PLCZ1: variants seen among roughly 807,000 people sequenced by gnomAD.
PLCZ1 encodes 1-phosphatidylinositol 4,5-bisphosphate phosphodiesterase zeta-1.
Under a neutral mutation model 76.8 loss-of-function variants are expected in PLCZ1, and 64 were observed. The observed-to-expected ratio is 0.83, with a 90% confidence interval of 0.68 to 1.03. PLCZ1 has a LOEUF of 1.03. Among genes scored for constraint, PLCZ1 ranks in the 50% least tolerant of loss-of-function variants. The pLI is 0.00. For synonymous variants in PLCZ1, 248 were observed against 230.8 expected (o/e 1.07, Z -0.68); for missense variants, 751 against 713.7 (o/e 1.05, Z -0.60).
At chr12:18,647,460 A>AG in the PLCZ1 span, among the ~76,000 whole-genome samples, 2 of 152,138 alleles carry the variant, frequency 1.3e-5, no homozygotes, top group Admixed American at 6.6e-5. Context: ...ATTGAAAAAA[A>AG]AAAAAAATAG....
At chr12:18,680,746 T>C (rs1388715334), downstream of PLCZ1, among the ~76,000 whole-genome samples, 7 of 151,976 alleles carry the variant, frequency 4.6e-5, no homozygotes, top group African/African-American at 1.7e-4. Context: ...TGGGAAGCCA[T>C]AGGGCATCTC....
the PLCZ1 span, among the ~76,000 whole-genome samples, chr12:18,645,909 G>A: frequency 6.6e-6 from 1 of 152,080 alleles, no homozygotes; most frequent in African/African-American, 2.4e-5. Context: ...CACACTTTGA[G>A]GGTTCCTTTC....
the PLCZ1 span, among the ~76,000 whole-genome samples, chr12:18,672,305 A>G: frequency 6.6e-6 from 1 of 152,254 alleles, no homozygotes; most frequent in African/African-American, 2.4e-5. Flanking sequence ...CTCAGTCGTC[A>G]TTGCTCATCT....
In PLCZ1 at chr12:18,699,789, T is replaced by A. The variant is rs201023072; in HGVS notation, c.1174+5A>T. On this transcript the variant is annotated splice_donor_5th_base_variant and intron_variant, in intron 10 of 14. Transcript: ENST00000266505. ...ATTTCATCTATTTGAGTCACAAAAATTTACCTCGCAATTTTGAAAGTTTTC... is the reference window on the plus strand; with the variant it reads ...ATTTCATCTATTTGAGTCACAAAAAATTACCTCGCAATTTTGAAAGTTTTC... The A allele has an allele frequency of 7.4e-6, 12 of 1,612,650 alleles. 1 individual carries two copies. The highest frequency in any genetic ancestry group is 1.7e-4 in the Middle Eastern group (1 of 6,034).
At chr12:18,696,810 C>T (rs73346909) in intron 10 of PLCZ1, among the ~76,000 whole-genome samples, 1,822 of 152,174 alleles carry the variant, frequency 0.012, 42 homozygotes, top group African/African-American at 0.041. Flanking sequence ...TTCACTCCAG[C>T]ATCTTCCCCC....
intron 12 of PLCZ1, among the ~76,000 whole-genome samples, chr12:18,691,494 T>G (rs1201886388): frequency 6.6e-6 from 1 of 152,012 alleles, no homozygotes. Flanking sequence ...AGGAAAGACT[T>G]TAGTTAACAT....
the PLCZ1 span, chr12:18,648,213 C>T: frequency 4.9e-5 from 17 of 350,262 alleles, no homozygotes; most frequent in Admixed American, 2.8e-4. Context: ...ATTGTTTTTT[C>T]ATAATCTTTT....
intron 12 of PLCZ1, among the ~76,000 whole-genome samples, chr12:18,690,218 T>A (rs2137109206): frequency 6.6e-6 from 1 of 151,118 alleles, no homozygotes; most frequent in African/African-American, 2.5e-5. Context: ...TTTTTGTTTG[T>A]TTGTTTGTTT....
intron 4 of PLCZ1, among the ~76,000 whole-genome samples, chr12:18,721,952 A>G (rs1012295494): frequency 2.0e-5 from 3 of 151,976 alleles, no homozygotes; most frequent in Non-Finnish European, 4.4e-5. Context: ...ATAAGAACCT[A>G]TATGGTTTGA....
intron 4 of PLCZ1, among the ~76,000 whole-genome samples, chr12:18,720,018 A>ACC (rs1213062382): frequency 6.6e-6 from 1 of 152,104 alleles, no homozygotes; most frequent in African/African-American, 2.4e-5. Context: ...CCAGTCACTC[A>ACC]CCACACCCAA....
chr12:18,715,366 T>TTAAATTCTTAA (rs1465957867), intron 5 of PLCZ1, among the ~76,000 whole-genome samples: 2 of 151,950 alleles, frequency 1.3e-5, no homozygotes, highest in Non-Finnish European at 2.9e-5. Flanking sequence ...TTAAGAATAA[T>TTAAATTCTTAA]TAAATTCTTA....
At chr12:18,647,766 C>A in the PLCZ1 span, 1 of 500,830 alleles carries the variant, frequency 2.0e-6, no homozygotes, top group Non-Finnish European at 3.3e-6. Flanking sequence ...CCTATCTATT[C>A]CAGGGTATAA....
At chr12:18,736,123 G>A (rs1959222729) in intron 3 of PLCZ1, 98 bp downstream of exon 3, 1 of 1,359,410 alleles carries the variant, frequency 7.4e-7, no homozygotes, top group Non-Finnish European at 1.0e-6. Flanking sequence ...ATAATTAATT[G>A]CTTTTCTTCT....
rs190889507 is a variant in PLCZ1, at chr12:18,713,094, T to C, written c.570-108A>G. 6.1e-4 allele frequency: 859 copies of C among 1,409,472 alleles called. 5 individuals are homozygous for C. The African/African-American group carries it at 0.011, about 18-fold the overall frequency. The allele number at this position is 1,409,472 out of a possible 1,614,324, so 87.3% of individuals were successfully genotyped here. ...TTTGATTTTATAATAAATGCATAAA[T>C]GAGTCCATAAAACTCTATAAAAACT... On this transcript the variant is annotated intron_variant, in intron 5 of 14. Transcript: ENST00000266505.
chr12:18,670,307 C>A, the PLCZ1 span, among the ~76,000 whole-genome samples: 1 of 152,102 alleles, frequency 6.6e-6, no homozygotes, highest in African/African-American at 2.4e-5. Context: ...CACACACACA[C>A]ACACAACATC....
chr12:18,723,587 A>T, intron 3 of PLCZ1, 45 bp from the exon 4 acceptor site: 1 of 1,393,028 alleles, frequency 7.2e-7, no homozygotes, highest in Non-Finnish European at 1.0e-6. Context: ...AGTATAAAAA[A>T]TACATAAAAT....
the PLCZ1 span, chr12:18,648,155 A>T: frequency 2.2e-6 from 1 of 448,732 alleles, no homozygotes; most frequent in Non-Finnish European, 3.8e-6. Flanking sequence ...ACACAGAAAA[A>T]AAATCAGAAT....
chr12:18,726,252 C>T (rs1172264441), intron 3 of PLCZ1, among the ~76,000 whole-genome samples: 3 of 152,130 alleles, frequency 2.0e-5, no homozygotes, highest in African/African-American at 7.2e-5. Context: ...GGGTTCACTA[C>T]CACCTTTAAA....
chr12:18,690,281 C>T (rs988027717), intron 12 of PLCZ1, among the ~76,000 whole-genome samples: 27 of 152,152 alleles, frequency 1.8e-4, no homozygotes, highest in African/African-American at 3.6e-4. Flanking sequence ...TGGAGTGCAA[C>T]GGTGCGACCT....
Sources: gnomAD v4.1 joint callset for allele counts (sites outside exome capture counted in the v4.1 genomes callset) on GRCh38, gnomAD v4.1.1 for gene constraint, MANE v1.5 for transcripts, NCBI Gene and HGNC (gene_info 2026-07-23, HGNC 2026-07-21) for gene names.